Variants in PCSK1 observed in about 807,000 individuals in gnomAD.
The protein encoded by PCSK1 is proprotein convertase subtilisin/kexin type 1, also known as neuroendocrine convertase 1.
A neutral mutation model predicts 90.6 loss-of-function variants in PCSK1; 56 were observed. That is an observed-to-expected ratio of 0.62 (90% CI 0.50 to 0.77). PCSK1 has a LOEUF of 0.77. Among genes scored for constraint, PCSK1 ranks in the 30% least tolerant of loss-of-function variants. PCSK1 has a pLI of 0.00. For synonymous variants in PCSK1, 348 were observed against 342.4 expected (o/e 1.02, Z -0.18); for missense variants, 801 against 932.6 (o/e 0.86, Z 1.84).
chr5:96,412,130 A>G lies in PCSK1; in HGVS notation c.882+188T>C, dbSNP rs533804618. Among the ~76,000 whole-genome samples, 3 of 152,312 alleles carry G rather than the reference A, an allele frequency of 2.0e-5. No individual in the cohort carries two copies. The East Asian group carries it at 5.8e-4, about 29-fold the overall frequency. ...TCGCGCCTGGCCACAAATAGGGAAA[A>G]CTTTCTTAAGCCTTAACTCCCATCC... is the stretch of plus-strand genomic sequence containing the variant. On this transcript the variant is annotated intron_variant, in intron 7 of 13. Transcript: ENST00000311106.
intron 1 of PCSK1, 47 bp downstream of exon 1, chr5:96,432,816 C>G (rs779231236): frequency 4.5e-6 from 7 of 1,540,792 alleles, no homozygotes; most frequent in Non-Finnish European, 6.3e-6. Context: ...CCAGTCCCGC[C>G]AGTCCCCTGG....
intron 1 of PCSK1, 91 bp downstream of exon 1, chr5:96,432,772 T>A: frequency 9.6e-7 from 1 of 1,042,238 alleles, no homozygotes; most frequent in Non-Finnish European, 1.5e-6. Context: ...CTCTGGAGAG[T>A]GCAACCTGGG....
At chr5:96,397,973 T>G (rs1760220499) in intron 11 of PCSK1, among the ~76,000 whole-genome samples, 1 of 152,038 alleles carries the variant, frequency 6.6e-6, no homozygotes, top group Non-Finnish European at 1.5e-5. Context: ...ATTAATTTCT[T>G]AAAGATATAT....
In PCSK1 at chr5:96,399,981, C is replaced by T. The variant is rs1760296145; in HGVS notation, c.1402G>A (p.Val468Ile). ...GGCTCAAAGTCATTGTCCTTTACAA[C>T]ACACTCTTTCTTCTCAGGCACGCTC... ...WRSVPEKKEC[V>I]VKDNDFEPRA... Residue 468 changes from valine (V) to isoleucine (I), a missense_variant, in exon 10 of 14, where the codon GTT becomes ATT. Physicochemically the swap from Val to Ile is conservative, Grantham distance 29 (BLOSUM62 3). Coordinates refer to ENST00000311106, the MANE Select transcript of PCSK1 (RefSeq NM_000439.5). 6.2e-7 allele frequency: 1 copy of T among 1,614,006 alleles called. No homozygotes were observed. Among genetic ancestry groups the T allele is most frequent in the Non-Finnish European group, 8.5e-7 (1 of 1,179,848 alleles).
At chr5:96,400,239 C>A in intron 9 of PCSK1, 53 bp from the exon 10 acceptor site, 1 of 1,251,906 alleles carries the variant, frequency 8.0e-7, no homozygotes, top group Non-Finnish European at 1.2e-6. Context: ...AGTTTCCTTG[C>A]AAAAGCAAGT....
Position 96,394,893 on chromosome 5 carries a change from C to A in PCSK1, c.1855G>T (p.Gly619Trp), listed in dbSNP as rs144324144. ...SYNTVQNDRRGVEKMVDPGEE... is the reference protein window; with the variant it reads ...SYNTVQNDRRWVEKMVDPGEE... ...CCTGGATCCACCATCTTCTCCACCC[C>A]TCTTCTGTCATTCTGAACAGTGTTG... Residue 619 changes from glycine (G) to tryptophan (W), a missense_variant, in exon 13 of 14, where the codon GGG (glycine) becomes TGG (tryptophan). By Grantham distance (184) the Gly-to-Trp change is radical. Transcript: ENST00000311106. The A allele has an allele frequency of 6.2e-7, 1 of 1,614,158 alleles. No individual in the cohort carries two copies. The highest frequency in any genetic ancestry group is 8.5e-7 in the Non-Finnish European group (1 of 1,180,014).
chr5:96,395,408 A>T (rs1363677708), intron 12 of PCSK1, among the ~76,000 whole-genome samples: 1 of 152,236 alleles, frequency 6.6e-6, no homozygotes. Flanking sequence ...CTCTAGCATT[A>T]ATAAGCCCTT....
At chr5:96,409,246 C>G (rs188192991) in intron 8 of PCSK1, among the ~76,000 whole-genome samples, 2 of 152,064 alleles carry the variant, frequency 1.3e-5, no homozygotes, top group Non-Finnish European at 2.9e-5. Flanking sequence ...GCTCCAGCAC[C>G]GAAGTTCTAG....
intron 5 of PCSK1, among the ~76,000 whole-genome samples, chr5:96,418,786 G>A (rs898596872): frequency 6.6e-6 from 1 of 152,114 alleles, no homozygotes; most frequent in Non-Finnish European, 1.5e-5. Context: ...CACCTTTTTG[G>A]TTGATAGTCA....
Position 96,429,290 on chromosome 5 carries a change from A to G in PCSK1, c.208T>C (p.Phe70Leu). The G allele has an allele frequency of 6.3e-7, 1 of 1,590,278 alleles. No homozygotes were observed. The highest frequency in any genetic ancestry group is 8.6e-7 in the Non-Finnish European group (1 of 1,158,532). The stretch of plus-strand genomic sequence containing the variant: ...CTTCTGGGGTGGTTTTTATGTTTGA[A>G]TAAGTAGTGATTTTCAAGTGAACCA... Reference protein sequence around the residue: ...QIGSLENHYLFKHKNHPRRSR... With the variant: ...QIGSLENHYLLKHKNHPRRSR... The change falls in exon 2 of 14, where the codon TTC becomes CTC. Residue 70 changes from phenylalanine to leucine, a missense_variant. Coordinates refer to ENST00000311106, the MANE Select transcript of PCSK1 (RefSeq NM_000439.5).
At chr5:96,396,398 T>C (rs1376928357) in intron 12 of PCSK1, among the ~76,000 whole-genome samples, 1 of 151,932 alleles carries the variant, frequency 6.6e-6, no homozygotes, top group Non-Finnish European at 1.5e-5. Context: ...CCATTTCTAC[T>C]AAAAATACAA....
At position 96,432,896 on chromosome 5, in the gene PCSK1, G is replaced by A; in HGVS notation, c.147C>T (p.Ile49=). 7 of 1,613,984 alleles carry A rather than the reference G, an allele frequency of 4.3e-6. No homozygotes were observed. The highest frequency in any genetic ancestry group is 5.9e-6 in the Non-Finnish European group (7 of 1,179,934). The change falls in exon 1 of 14, where the codon ATC becomes ATT. Residue 49 remains isoleucine (I), a synonymous_variant. Coordinates refer to ENST00000311106, the MANE Select transcript of PCSK1 (RefSeq NM_000439.5). ...AAAGGTCATAGCCCAGCTCCTCGGCGATGGCCGAGGCTGCTTCCGGGCCCC... is the reference window on the plus strand; with the variant it reads ...AAAGGTCATAGCCCAGCTCCTCGGCAATGGCCGAGGCTGCTTCCGGGCCCC... The part of the protein sequence containing the change: ...IPGGPEAASA[I]AEELGYDLLG...
At chr5:96,417,874 T>A (rs938728529) in intron 5 of PCSK1, among the ~76,000 whole-genome samples, 1 of 152,156 alleles carries the variant, frequency 6.6e-6, no homozygotes, top group Non-Finnish European at 1.5e-5. Context: ...GAAGGAGTAA[T>A]TCAGTTGTCA....
rs1046235723 is a variant in PCSK1, at chr5:96,396,505, G to A, written c.1722+831C>T. ...GAACCCAGGAGGCAGAGGTTGCAGT[G>A]AGCCGAGACTGTGCCACTGCAACTC... On this transcript the variant is annotated intron_variant, in intron 12 of 13. Transcript: ENST00000311106. Among the ~76,000 whole-genome samples the A allele has an allele frequency of 2.7e-5, 4 of 150,940 alleles. No individual in the cohort carries two copies. The East Asian group carries it at 7.8e-4, about 29-fold the overall frequency.
chr5:96,423,780 T>C (rs898803618), intron 3 of PCSK1, among the ~76,000 whole-genome samples: 3 of 152,250 alleles, frequency 2.0e-5, no homozygotes, highest in African/African-American at 4.8e-5. Context: ...CTCAACCCTT[T>C]CATCTATGGA....
At position 96,429,196 on chromosome 5, in the gene PCSK1, A is replaced by T. The variant is rs1241383538; in HGVS notation, c.285+17T>A. The stretch of plus-strand genomic sequence containing the variant: ...TAAGCTAGAGTATTGGTTTGAAGAC[A>T]AATGTACAACACTTACACGATCATC... On this transcript the variant is annotated intron_variant, in intron 2 of 13. Transcript: ENST00000311106. 1 of 1,246,744 alleles carries T rather than the reference A, an allele frequency of 8.0e-7. No individual in the cohort carries two copies. Among genetic ancestry groups the T allele is most frequent in the Non-Finnish European group, 1.2e-6 (1 of 845,658 alleles). The allele number at this position is 1,246,744 out of a possible 1,614,324, so 77.2% of individuals were successfully genotyped here. A position where few individuals can be genotyped will look rare whatever the true frequency, so the allele number is the denominator to read the frequency against.
intron 9 of PCSK1, 48 bp downstream of exon 9, chr5:96,408,175 A>G (rs1275831962): frequency 1.5e-6 from 2 of 1,308,620 alleles, no homozygotes; most frequent in Admixed American, 1.7e-5. Flanking sequence ...ATTAAAAATA[A>G]GGAGAATCAG....
At chr5:96,401,020 G>A (rs1760343988) in intron 9 of PCSK1, among the ~76,000 whole-genome samples, 1 of 146,574 alleles carries the variant, frequency 6.8e-6, no homozygotes, top group African/African-American at 2.6e-5. Context: ...CTGGGAGGCG[G>A]AGCTTGCAGT....
rs76894435 is a variant in PCSK1 at position 96,431,234 on chromosome 5, A to G, written c.180+1629T>C. 4.1e-3 allele frequency among the ~76,000 whole-genome samples: 627 copies of G among 152,224 alleles called. 8 individuals carry two copies. The highest frequency in any genetic ancestry group is 0.033 in the Admixed American group (510 of 15,292). ...ATTGCGTGCAATTCCCAGACTTACT[A>G]CTAAACTGTATTATGTCTCACTGTT... On this transcript the variant is annotated intron_variant, in intron 1 of 13. Transcript: ENST00000311106.
Sources: allele counts gnomAD v4.1 joint callset (sites outside exome capture counted in the v4.1 genomes callset), GRCh38; gene constraint gnomAD v4.1.1; transcripts MANE v1.5; gene names NCBI Gene and HGNC (gene_info 2026-07-23, HGNC 2026-07-21).